CELF2: variants seen among roughly 807,000 people sequenced by gnomAD.
CELF2 encodes the protein CUG triplet repeat RNA-binding protein 2.
Under a neutral mutation model 62.6 loss-of-function variants are expected in CELF2, and 8 were observed. The observed-to-expected ratio is 0.13, with a 90% CI of 0.07 to 0.23. CELF2 has a LOEUF of 0.23. CELF2 is among the 10% of genes least tolerant of loss of function. The probability of loss-of-function intolerance (pLI) is 1.00; values close to 1 mark genes in which losing one functional copy is unlikely to be tolerated. For missense variants in CELF2, 333 were observed against 671.0 expected (o/e 0.50, Z 5.56); for synonymous variants, 258 against 250.0 (o/e 1.03, Z -0.30).
the CELF2 span, among the ~76,000 whole-genome samples, chr10:10,682,111 C>A: frequency 6.6e-6 from 1 of 152,104 alleles, no homozygotes; most frequent in African/African-American, 2.4e-5. Flanking sequence ...TAGAAGGTAG[C>A]CAACAGGTAT....
In CELF2 at chr10:10,972,359, T is replaced by C. The variant is rs1055748534; in HGVS notation, c.89+52360T>C. 6.6e-6 allele frequency among the ~76,000 whole-genome samples: 1 copy of C among 152,248 alleles called. No individual in the cohort carries two copies. Among genetic ancestry groups the C allele is most frequent in the African/African-American group, 2.4e-5 (1 of 41,466 alleles). ...TAGAAATTAGCAAGCTGTTTTGCTT[T>C]AACCTGGAAAACTCATCTTATTTAA... On this transcript the variant is annotated intron_variant, in intron 2 of 13. Transcript: ENST00000636488. The surrounding 1 kb of genome is among the most constrained non-coding windows in gnomAD (Gnocchi z 4.4).
the CELF2 span, among the ~76,000 whole-genome samples, chr10:10,607,555 A>C: frequency 2.0e-5 from 3 of 152,230 alleles, no homozygotes; most frequent in Non-Finnish European, 4.4e-5. Context: ...AAATACTGTA[A>C]GAAAGGGATG....
At chr10:10,822,189 C>T (rs1477141164) in intron 1 of CELF2, among the ~76,000 whole-genome samples, 1 of 152,232 alleles carries the variant, frequency 6.6e-6, no homozygotes, top group Non-Finnish European at 1.5e-5. Flanking sequence ...GACTGGATGT[C>T]ACCACCTCTG....
chr10:10,682,091 T>C, the CELF2 span, among the ~76,000 whole-genome samples: 1 of 152,174 alleles, frequency 6.6e-6, no homozygotes, highest in Non-Finnish European at 1.5e-5. Context: ...ATTCAATTGA[T>C]ATGGTAAAAT....
the CELF2 span, among the ~76,000 whole-genome samples, chr10:10,714,219 G>T: frequency 6.6e-6 from 1 of 152,058 alleles, no homozygotes; most frequent in Non-Finnish European, 1.5e-5. Context: ...TTAAATTTTG[G>T]CAACTTTCTG....
upstream of CELF2, among the ~76,000 whole-genome samples, chr10:11,003,855 T>A (rs76065125): frequency 6.6e-6 from 1 of 151,822 alleles, no homozygotes; most frequent in African/African-American, 2.4e-5. The surrounding 1 kb of genome is among the most constrained non-coding windows in gnomAD (Gnocchi z 4.4). Flanking sequence ...AAAAAAAAAA[T>A]GGGGTTGTTT....
chr10:10,796,438 C>T (rs2054145770), upstream of CELF2, among the ~76,000 whole-genome samples: 1 of 152,166 alleles, frequency 6.6e-6, no homozygotes, highest in South Asian at 2.1e-4. Context: ...TTTGAAAAGA[C>T]AGCTGCTTTA....
rs1026847013 is a variant in CELF2 at position 11,191,475 on chromosome 10, C to T, written c.271+25793C>T. On this transcript the variant is annotated intron_variant, in intron 2 of 12. Coordinates refer to ENST00000633077, the MANE Select transcript of CELF2 (RefSeq NM_001326342.2). The surrounding 1 kb of genome is among the most constrained non-coding windows in gnomAD (Gnocchi z 4.1). ...TGGGGAGGAGACCTCTGGACCAGGA[C>T]GTGCTGTGGGGCGTCAGCTACCAAC... is the stretch of plus-strand genomic sequence containing the variant. Among the ~76,000 whole-genome samples, 2 of 152,120 alleles carry T rather than the reference C, an allele frequency of 1.3e-5. No homozygotes were observed. Among genetic ancestry groups the T allele is most frequent in the Admixed American group, 1.3e-4 (2 of 15,280 alleles).
Position 11,044,400 on chromosome 10 carries a change from A to G in CELF2, c.74+26237A>G, listed in dbSNP as rs928652718. The stretch of plus-strand genomic sequence containing the variant: ...TTATTTTATTCTCCCTTTTGGCATC[A>G]CTCAGTCTTTGCTGCCAACCTATTT... On this transcript the variant is annotated intron_variant, in intron 1 of 12. Transcript: ENST00000633077. Among the ~76,000 whole-genome samples, 3 of 152,028 alleles carry G rather than the reference A, an allele frequency of 2.0e-5. No individual in the cohort carries two copies. The South Asian group carries it at 6.2e-4, about 32-fold the overall frequency.
At chr10:10,515,768 G>A in the CELF2 span, among the ~76,000 whole-genome samples, 5 of 152,230 alleles carry the variant, frequency 3.3e-5, no homozygotes, top group Non-Finnish European at 7.3e-5. Context: ...GCGAATTTGG[G>A]TCAGTCACTA....
the CELF2 span, among the ~76,000 whole-genome samples, chr10:10,497,575 T>A: frequency 6.7e-6 from 1 of 149,032 alleles, no homozygotes; most frequent in Non-Finnish European, 1.5e-5. Context: ...AGATGAAGGG[T>A]TGGGGATGAG....
chr10:11,137,381 G>A (rs1288351467), intron 1 of CELF2, among the ~76,000 whole-genome samples: 2 of 152,226 alleles, frequency 1.3e-5, no homozygotes, highest in Non-Finnish European at 2.9e-5. Context: ...GGAGTTGGAT[G>A]CATATAAATT....
chr10:10,506,941 G>A, the CELF2 span, among the ~76,000 whole-genome samples: 5 of 151,916 alleles, frequency 3.3e-5, no homozygotes, highest in East Asian at 1.9e-4. Context: ...CTGAGATTAC[G>A]GGCATGAGCC....
chr10:11,212,758 T>G (rs1311908702), intron 2 of CELF2, among the ~76,000 whole-genome samples: 4 of 101,516 alleles, frequency 3.9e-5, no homozygotes, highest in African/African-American at 7.1e-5. Context: ...TTTTTTTTTT[T>G]GCTTCAAGGA....
At chr10:10,593,691 A>G in the CELF2 span, among the ~76,000 whole-genome samples, 1 of 152,180 alleles carries the variant, frequency 6.6e-6, no homozygotes, top group Admixed American at 6.5e-5. Flanking sequence ...TAGGCTTTAA[A>G]CCAGGAAGAT....
intron 1 of CELF2, among the ~76,000 whole-genome samples, chr10:11,035,533 A>G (rs1175889810): frequency 6.6e-6 from 1 of 152,220 alleles, no homozygotes; most frequent in Non-Finnish European, 1.5e-5. Context: ...TTGTTCTAAC[A>G]CTGCCCTTTG....
At chr10:10,711,404 G>C in the CELF2 span, among the ~76,000 whole-genome samples, 1 of 152,196 alleles carries the variant, frequency 6.6e-6, no homozygotes, top group Non-Finnish European at 1.5e-5. Context: ...ATTGGCTGGT[G>C]TCAGGGTTGC....
intron 1 of CELF2, among the ~76,000 whole-genome samples, chr10:11,148,696 A>C (rs894928494): frequency 6.6e-6 from 1 of 152,232 alleles, no homozygotes; most frequent in Admixed American, 6.5e-5. Flanking sequence ...GCTTTCATAC[A>C]TAAGTGGTTC....
the CELF2 span, among the ~76,000 whole-genome samples, chr10:10,499,751 G>T: frequency 1.3e-5 from 2 of 152,228 alleles, no homozygotes; most frequent in South Asian, 4.2e-4. Flanking sequence ...GGTGGCATGC[G>T]CCTGTAATCC....
Sources: gnomAD v4.1 joint callset for allele counts (sites outside exome capture counted in the v4.1 genomes callset) on GRCh38, gnomAD v4.1.1 for gene constraint, Gnocchi (gnomAD v3.1) non-coding constraint, MANE v1.5 for transcripts, NCBI Gene and HGNC (gene_info 2026-07-23, HGNC 2026-07-21) for gene names.